The following ARHGAP44 variants were observed in gnomAD, a reference collection of about 807,000 sequenced individuals.
ARHGAP44 encodes the protein Rho GTPase activating protein 44, also known as rho GTPase-activating protein 44.
In ARHGAP44, 43 loss-of-function variants were observed where a neutral mutation model predicts 106.8. That is an observed-to-expected ratio of 0.40 (90% CI 0.32 to 0.52). The LOEUF is 0.52. Among genes scored for constraint, ARHGAP44 ranks in the 20% least tolerant of loss-of-function variants. The probability of loss-of-function intolerance (pLI) is 0.48; values close to 1 mark genes in which losing one functional copy is unlikely to be tolerated. For missense variants in ARHGAP44, 866 were observed against 1,050.5 expected (o/e 0.82, Z 2.43); for synonymous variants, 439 against 410.3 (o/e 1.07, Z -0.85).
chr17:12,822,110 A>C (rs1001999617), intron 1 of ARHGAP44, among the ~76,000 whole-genome samples: 1 of 152,152 alleles, frequency 6.6e-6, no homozygotes, highest in African/African-American at 2.4e-5. Context: ...CAATATATAA[A>C]GGGTTGGCAA....
At chr17:12,945,290 A>G (rs1046134399) in intron 10 of ARHGAP44, among the ~76,000 whole-genome samples, 1 of 151,974 alleles carries the variant, frequency 6.6e-6, no homozygotes, top group Non-Finnish European at 1.5e-5. Flanking sequence ...GATTACAGGC[A>G]TGAGCCACTG....
At chr17:12,989,548 A>T (rs561306569) in intron 20 of ARHGAP44, among the ~76,000 whole-genome samples, 2 of 152,322 alleles carry the variant, frequency 1.3e-5, no homozygotes, top group South Asian at 4.1e-4. Context: ...CACCCATGTC[A>T]GCCATCCAAA....
At chr17:12,890,728 G>A (rs1378416910) in intron 1 of ARHGAP44, among the ~76,000 whole-genome samples, 1 of 152,178 alleles carries the variant, frequency 6.6e-6, no homozygotes, top group Non-Finnish European at 1.5e-5. Flanking sequence ...TACGTGGCCA[G>A]GCTGTGAATT....
At chr17:12,929,148 T>C (rs1055019573) in intron 7 of ARHGAP44, 102 bp downstream of exon 7, 23 of 1,134,570 alleles carry the variant, frequency 2.0e-5, no homozygotes, top group Non-Finnish European at 1.8e-5. Context: ...TCAGTGAGGC[T>C]CTAGTTGAAC....
At chr17:12,888,163 A>G (rs1028480748) in intron 1 of ARHGAP44, among the ~76,000 whole-genome samples, 1 of 151,452 alleles carries the variant, frequency 6.6e-6, no homozygotes, top group South Asian at 2.1e-4. Context: ...TTTGGACTTT[A>G]TTTGGTCTTT....
At chr17:12,975,332 C>T (rs546440194) in intron 18 of ARHGAP44, among the ~76,000 whole-genome samples, 19 of 151,696 alleles carry the variant, frequency 1.3e-4, no homozygotes, top group East Asian at 3.9e-4. Flanking sequence ...CTTTTGATGC[C>T]GCTAAAATGG....
In ARHGAP44 at chr17:12,799,568, T is replaced by C. The variant is rs544264450; in HGVS notation, c.53+9677T>C. ...TGGGCCAGTACTAGTTCCCTGGATA[T>C]GACTGGAGACAGGGAGCCTCCACCC... On this transcript the variant is annotated intron_variant, in intron 1 of 20. Transcript: ENST00000379672. 3.3e-5 allele frequency among the ~76,000 whole-genome samples: 5 copies of C among 152,304 alleles called. No homozygotes were observed. In the East Asian group the frequency reaches 9.7e-4, roughly 29 times the overall value.
intron 5 of ARHGAP44, among the ~76,000 whole-genome samples, chr17:12,918,840 G>A (rs1003134282): frequency 2.6e-5 from 4 of 152,090 alleles, no homozygotes; most frequent in Non-Finnish European, 4.4e-5. Flanking sequence ...TGGCAGGGCG[G>A]GAGTTGGGGG....
At chr17:12,928,668 G>GA (rs1455321627) in intron 6 of ARHGAP44, among the ~76,000 whole-genome samples, 5 of 152,154 alleles carry the variant, frequency 3.3e-5, no homozygotes, top group African/African-American at 1.2e-4. Flanking sequence ...GAAGACAATA[G>GA]AGAAAATAGT....
At chr17:12,884,822 G>C (rs1449071442) in intron 1 of ARHGAP44, among the ~76,000 whole-genome samples, 1 of 152,194 alleles carries the variant, frequency 6.6e-6, no homozygotes, top group African/African-American at 2.4e-5. Context: ...TTTACACTGA[G>C]CGTAATGGTT....
chr17:12,892,920 G>A (rs4791517), intron 1 of ARHGAP44, among the ~76,000 whole-genome samples: 30,734 of 151,224 alleles, frequency 0.2, 3,926 homozygotes, highest in East Asian at 0.44. Context: ...ATTACTACAC[G>A]TTGAAGCATT....
intron 20 of ARHGAP44, chr17:12,987,255 G>C: frequency 9.7e-7 from 1 of 1,027,068 alleles, no homozygotes; most frequent in Non-Finnish European, 1.4e-6. Context: ...CAGACCATTT[G>C]CATGGCAGCT....
intron 13 of ARHGAP44, 139 bp downstream of exon 13, chr17:12,952,720 CTCTTTT>C: frequency 3.0e-6 from 1 of 331,170 alleles, no homozygotes. Context: ...CATGCATGGT[CTCTTTT>C]TTTTTTTTTT....
intron 1 of ARHGAP44, among the ~76,000 whole-genome samples, chr17:12,823,899 G>A (rs573873994): frequency 1.3e-5 from 2 of 152,250 alleles, no homozygotes; most frequent in South Asian, 4.1e-4. Flanking sequence ...CCTCAGTAAA[G>A]TATCAAAGTC....
chr17:12,890,435 C>T (rs1286594507), intron 1 of ARHGAP44, among the ~76,000 whole-genome samples: 1 of 152,196 alleles, frequency 6.6e-6, no homozygotes, highest in Non-Finnish European at 1.5e-5. Context: ...CCAGACTACA[C>T]TTGGGGTTAC....
intron 3 of ARHGAP44, among the ~76,000 whole-genome samples, chr17:12,900,993 G>A (rs1258072774): frequency 6.8e-6 from 1 of 146,354 alleles, no homozygotes; most frequent in Admixed American, 7.0e-5. Context: ...GTACAATCTC[G>A]GCTCACTGCA....
chr17:12,806,443 A>G (rs928219291), intron 1 of ARHGAP44, among the ~76,000 whole-genome samples: 4 of 152,214 alleles, frequency 2.6e-5, no homozygotes, highest in African/African-American at 9.6e-5. Context: ...GTATTATACA[A>G]ACTGGGGCCA....
At chr17:12,970,929 TAAA>T (rs2039514291) in intron 16 of ARHGAP44, among the ~76,000 whole-genome samples, 1 of 152,252 alleles carries the variant, frequency 6.6e-6, no homozygotes, top group South Asian at 2.1e-4. Context: ...CTTTGGAAGG[TAAA>T]TGCACTTTTA....
At chr17:12,817,370 G>A (rs557826989) in intron 1 of ARHGAP44, among the ~76,000 whole-genome samples, 16 of 152,086 alleles carry the variant, frequency 1.1e-4, no homozygotes, top group Non-Finnish European at 1.9e-4. Context: ...TAAACCTCAT[G>A]TAGCACATAA....
Sources: allele counts gnomAD v4.1 joint callset (sites outside exome capture counted in the v4.1 genomes callset), GRCh38; gene constraint gnomAD v4.1.1; transcripts MANE v1.5; gene names NCBI Gene and HGNC (gene_info 2026-07-23, HGNC 2026-07-21).